The following ENDOV variants were observed in gnomAD, a reference collection of about 807,000 sequenced individuals.
ENDOV encodes hEndoV.
Under a neutral mutation model 39.4 loss-of-function variants are expected in ENDOV, and 37 were observed. That is an observed-to-expected ratio of 0.94 (90% CI 0.72 to 1.23). The LOEUF (loss-of-function observed/expected upper bound fraction) is 1.23. ENDOV is among the 50% of genes most tolerant of loss of function. ENDOV has a pLI of 0.00. For synonymous variants in ENDOV, 186 were observed against 163.4 expected, an observed-to-expected ratio of 1.14 and a Z score of -1.05; for missense variants, 441 against 375.7, an observed-to-expected ratio of 1.17 and a Z score of -1.44.
Position 80,437,917 on chromosome 17 carries a change from A to C in ENDOV, c.*1774A>C, listed in dbSNP as rs147715261. The C allele has an allele frequency of 3.9e-5, 6 of 152,240 alleles. No individual in the cohort carries two copies. The highest frequency in any genetic ancestry group is 1.4e-4 in the African/African-American group (6 of 41,522). 9.4% of individuals were successfully genotyped at this position (152,240 alleles called of 1,614,324 possible). A position where few individuals can be genotyped will look rare whatever the true frequency, so the allele number is the denominator to read the frequency against. ...GTAATGTAACTTCGGAGCCAGCTGG[A>C]TGGATGTGACTGTGCAGGTCCTGAG... On this transcript the variant is annotated 3_prime_UTR_variant, in exon 10 of 10. Coordinates refer to ENST00000518137, the MANE Select transcript of ENDOV (RefSeq NM_173627.5).
At chr17:80,431,835 A>C (rs573354832) in intron 9 of ENDOV, among the ~76,000 whole-genome samples, 80 of 152,258 alleles carry the variant, frequency 5.3e-4, no homozygotes, top group African/African-American at 1.7e-3. Context: ...TTGCCTTGGA[A>C]AGGGAGAGGC....
At chr17:80,423,777 C>T (rs538086255) in intron 5 of ENDOV, 145 bp downstream of exon 5, 234 of 755,460 alleles carry the variant, frequency 3.1e-4, no homozygotes, top group Non-Finnish European at 4.6e-4. Flanking sequence ...GTAAGAAAGA[C>T]CTGCTTTCCT....
chr17:80,427,583 T>G, intron 7 of ENDOV: 1 of 1,086,822 alleles, frequency 9.2e-7, no homozygotes, highest in Non-Finnish European at 1.1e-6. Context: ...TTCTTACTGT[T>G]GGGCGTGAGC....
chr17:80,420,866 G>A (rs776759778), intron 2 of ENDOV, among the ~76,000 whole-genome samples: 45 of 152,110 alleles, frequency 3.0e-4, no homozygotes, highest in Admixed American at 6.5e-4. Flanking sequence ...TAGTAAACAC[G>A]GGGTTTCTCC....
intron 1 of ENDOV, 65 bp from the exon 2 acceptor site, chr17:80,415,585 C>A: frequency 6.4e-7 from 1 of 1,553,144 alleles, no homozygotes; most frequent in Non-Finnish European, 8.7e-7. Context: ...GCTGCAGCCG[C>A]GCGGGTGGAG....
At chr17:80,425,454 C>A in intron 6 of ENDOV, 38 bp from the exon 7 acceptor site, 1 of 1,572,472 alleles carries the variant, frequency 6.4e-7, no homozygotes, top group Non-Finnish European at 8.6e-7. Flanking sequence ...GTCCCGGTGG[C>A]CCAGCCCACA....
chr17:80,432,529 G>A (rs887803725), intron 9 of ENDOV, among the ~76,000 whole-genome samples: 7 of 152,092 alleles, frequency 4.6e-5, no homozygotes, highest in African/African-American at 1.4e-4. Context: ...CCGTTGTCCT[G>A]GGGCATGCCG....
intron 2 of ENDOV, chr17:80,416,997 C>T (rs1379484706): frequency 6.6e-6 from 1 of 152,224 alleles, no homozygotes; most frequent in Non-Finnish European, 1.5e-5. Flanking sequence ...TCAAGGGATC[C>T]TCCTACCTTG....
At chr17:80,423,225 G>A (rs1166317153) in intron 4 of ENDOV, among the ~76,000 whole-genome samples, 2 of 152,230 alleles carry the variant, frequency 1.3e-5, no homozygotes, top group Non-Finnish European at 2.9e-5. Context: ...AAGCTGGGAG[G>A]TGCAGGAAAT....
In ENDOV at chr17:80,429,756, C is replaced by A. The variant is rs755791101; in HGVS notation, c.780-17C>A. On this transcript the variant is annotated splice_polypyrimidine_tract_variant and intron_variant, in intron 8 of 9. Transcript: ENST00000518137. ...CGCTAGCATCTGATGCTGTCCCTTT[C>A]TCAATGTCATCACCAGGAGCCCGAA... is the stretch of plus-strand genomic sequence containing the variant. 6.3e-7 allele frequency: 1 copy of A among 1,594,494 alleles called. No individual in the cohort carries two copies. Among genetic ancestry groups the A allele is most frequent in the Non-Finnish European group, 8.5e-7 (1 of 1,172,020 alleles).
At chr17:80,425,391 T>C (rs879028577) in intron 6 of ENDOV, 101 bp from the exon 7 acceptor site, 26 of 1,481,970 alleles carry the variant, frequency 1.8e-5, no homozygotes, top group South Asian at 7.5e-5. Flanking sequence ...GCTTCCCCCT[T>C]GCCCCCAGGA....
At chr17:80,419,029 C>T (rs544909816) in intron 2 of ENDOV, among the ~76,000 whole-genome samples, 23 of 151,990 alleles carry the variant, frequency 1.5e-4, no homozygotes, top group East Asian at 7.7e-4. Flanking sequence ...AAAAATCAGC[C>T]GGGCATGGTG....
intron 3 of ENDOV, 81 bp from the exon 4 acceptor site, chr17:80,422,125 C>G: frequency 5.0e-6 from 8 of 1,590,238 alleles, no homozygotes; most frequent in Non-Finnish European, 6.9e-6. Context: ...AGACAGTGCC[C>G]CCTTCTTGCC....
intron 9 of ENDOV, among the ~76,000 whole-genome samples, chr17:80,434,555 C>T (rs372740253): frequency 6.6e-6 from 1 of 152,184 alleles, no homozygotes; most frequent in South Asian, 2.1e-4. Flanking sequence ...TTCACATCCC[C>T]ACCAGCAATG....
intron 9 of ENDOV, among the ~76,000 whole-genome samples, chr17:80,432,622 ATGCTGGCCCCCAGGC>A (rs2083398790): frequency 1.3e-5 from 2 of 152,074 alleles, no homozygotes; most frequent in Non-Finnish European, 2.9e-5. Context: ...GGGACCCCTC[ATGCTGGCCCCCAGGC>A]CCACTGAGGC....
Position 80,430,355 on chromosome 17 carries a change from A to T in ENDOV, c.838+524A>T, listed in dbSNP as rs1008278870. The T allele has an allele frequency of 3.3e-6, 5 of 1,526,406 alleles. No homozygotes were observed. In the African/African-American group the frequency reaches 6.9e-5, roughly 21 times the overall value. The allele number at this position is 1,526,406 out of a possible 1,614,324, so 94.6% of individuals were successfully genotyped here. On this transcript the variant is annotated intron_variant, in intron 9 of 9. Transcript: ENST00000518137. ...CTTGCTCTTTTTTATTCTTCTCAGG[A>T]TTCATTTTTTATTTCACATATTTGT...
chr17:80,427,979 C>T (rs2082928231), intron 7 of ENDOV: 1 of 984,398 alleles, frequency 1.0e-6, no homozygotes, highest in Non-Finnish European at 1.3e-6. Flanking sequence ...CTCATCTGAG[C>T]TGGGATCAGG....
chr17:80,418,456 G>A (rs746299811), intron 2 of ENDOV: 1 of 152,104 alleles, frequency 6.6e-6, no homozygotes. Flanking sequence ...TCAAGAGTAG[G>A]GTGTACCATA....
chr17:80,427,905 A>G, intron 7 of ENDOV: 1 of 1,219,520 alleles, frequency 8.2e-7, no homozygotes. Flanking sequence ...GAATGGAAGC[A>G]GGAGCAGGCT....
Sources: gnomAD v4.1 joint callset for allele counts (sites outside exome capture counted in the v4.1 genomes callset) on GRCh38, gnomAD v4.1.1 for gene constraint, MANE v1.5 for transcripts, NCBI Gene and HGNC (gene_info 2026-07-23, HGNC 2026-07-21) for gene names.